The following TNR variants were observed in gnomAD, a reference collection of about 807,000 sequenced individuals.
TNR encodes the protein tenascin-R.
TNR carries 45 observed loss-of-function variants against 150.4 expected under a neutral mutation model. The observed-to-expected ratio is 0.30, with a 90% CI of 0.24 to 0.38. TNR has a LOEUF of 0.38. Ranked by LOEUF, TNR falls within the 10% of genes least tolerant of loss-of-function variation. The probability of loss-of-function intolerance (pLI) is 1.00; values close to 1 mark genes in which losing one functional copy is unlikely to be tolerated. For synonymous variants in TNR, 687 were observed against 678.4 expected (o/e 1.01, Z -0.20); for missense variants, 1,544 against 1,759.1 (o/e 0.88, Z 2.19).
chr1:175,592,876 C>A (rs926063521), intron 1 of TNR, among the ~76,000 whole-genome samples: 1 of 152,220 alleles, frequency 6.6e-6, no homozygotes, highest in Non-Finnish European at 1.5e-5. Flanking sequence ...ATCCTTCCTT[C>A]TCCTCATTAA....
intron 1 of TNR, among the ~76,000 whole-genome samples, chr1:175,597,757 AT>A (rs1254925348): frequency 2.6e-5 from 4 of 152,314 alleles, no homozygotes; most frequent in Admixed American, 1.3e-4. Flanking sequence ...GCATTGATCC[AT>A]TCACCTCCAA....
At chr1:175,530,008 T>G (rs932472247) in intron 1 of TNR, among the ~76,000 whole-genome samples, 2 of 152,360 alleles carry the variant, frequency 1.3e-5, no homozygotes, top group Non-Finnish European at 2.9e-5. Flanking sequence ...TATTACATTT[T>G]AAAGTTCTTC....
chr1:175,426,810 T>A lies in TNR; in HGVS notation c.-63-20033A>T, dbSNP rs565706964. Among the ~76,000 whole-genome samples, 102 of 129,012 alleles carry A rather than the reference T, an allele frequency of 7.9e-4. 3 individuals are homozygous for A. Among genetic ancestry groups the A allele is most frequent in the African/African-American group, 3.0e-3 (92 of 31,116 alleles). The allele number at this position is 129,012 out of a possible 152,430, so 84.6% of individuals were successfully genotyped here. A position where few individuals can be genotyped will look rare whatever the true frequency, so the allele number is the denominator to read the frequency against. On this transcript the variant is annotated intron_variant, in intron 2 of 22. Coordinates refer to ENST00000367674, the MANE Select transcript of TNR (RefSeq NM_003285.3). ...TGTGTGTGTATATATATAATATATA[T>A]AAAATATAAATATATATAAAATATA...
intron 4 of TNR, among the ~76,000 whole-genome samples, chr1:175,398,389 C>A (rs181171149): frequency 1.3e-5 from 2 of 151,998 alleles, no homozygotes; most frequent in Non-Finnish European, 2.9e-5. Context: ...GAAGTGTAAA[C>A]GAAATTTAAA....
At chr1:175,563,592 T>C (rs1319217462) in intron 1 of TNR, among the ~76,000 whole-genome samples, 1 of 152,180 alleles carries the variant, frequency 6.6e-6, no homozygotes, top group Non-Finnish European at 1.5e-5. Flanking sequence ...AGGGCATCCA[T>C]CAATTAAATT....
rs182769671 is a variant in TNR at position 175,540,726 on chromosome 1, C to G, written c.-164-12357G>C. ...TCCCCTTCCCCAGAGGTAGCCACTT[C>G]TCTCAGCCCTTGTTATCTCCGGACT... On this transcript the variant is annotated intron_variant, in intron 1 of 22. Coordinates refer to ENST00000367674, the MANE Select transcript of TNR (RefSeq NM_003285.3). Among the ~76,000 whole-genome samples, 411 of 152,260 alleles carry G rather than the reference C, an allele frequency of 2.7e-3. 3 individuals are homozygous for G. The highest frequency in any genetic ancestry group is 9.5e-3 in the African/African-American group (396 of 41,540).
At chr1:175,487,681 T>C (rs1658072239) in intron 2 of TNR, among the ~76,000 whole-genome samples, 1 of 152,108 alleles carries the variant, frequency 6.6e-6, no homozygotes, top group Non-Finnish European at 1.5e-5. Flanking sequence ...CTCAACCTCA[T>C]CTGAAAATGG....
intron 1 of TNR, among the ~76,000 whole-genome samples, chr1:175,669,569 T>C (rs1665633100): frequency 6.6e-6 from 1 of 152,224 alleles, no homozygotes; most frequent in South Asian, 2.1e-4. Flanking sequence ...ATTACCCAGA[T>C]GGATCATTTC....
intron 1 of TNR, among the ~76,000 whole-genome samples, chr1:175,734,401 T>C (rs1667719582): frequency 1.3e-5 from 2 of 152,188 alleles, no homozygotes; most frequent in African/African-American, 4.8e-5. Flanking sequence ...ATCAGAGAAG[T>C]CAATGGATTT....
At chr1:175,713,915 A>G (rs1317752568) in intron 1 of TNR, among the ~76,000 whole-genome samples, 4 of 152,164 alleles carry the variant, frequency 2.6e-5, no homozygotes, top group East Asian at 1.9e-4. Flanking sequence ...AACTTAAGCA[A>G]TCTTTAAATA....
intron 1 of TNR, among the ~76,000 whole-genome samples, chr1:175,703,669 T>C (rs191965763): frequency 6.6e-6 from 1 of 152,148 alleles, no homozygotes; most frequent in East Asian, 1.9e-4. Context: ...GCAAAAGATA[T>C]GAAAAGGTAA....
At chr1:175,344,396 C>T (rs1039752428) in intron 18 of TNR, among the ~76,000 whole-genome samples, 2 of 152,172 alleles carry the variant, frequency 1.3e-5, no homozygotes, top group Admixed American at 1.3e-4. Flanking sequence ...TTCCTGCCTT[C>T]ATACCCAGGT....
chr1:175,335,705 C>CTT lies in TNR; in HGVS notation c.3631+4_3631+5dup. The CTT allele has an allele frequency of 6.2e-7, 1 of 1,611,842 alleles. No homozygotes were observed. The highest frequency in any genetic ancestry group is 8.5e-7 in the Non-Finnish European group (1 of 1,179,318). On this transcript the variant is annotated splice_donor_region_variant and intron_variant, in intron 20 of 22. Coordinates refer to ENST00000367674, the MANE Select transcript of TNR (RefSeq NM_003285.3). ...ACATCAATGGAAAGCAATAAGGAGG[C>CTT]TTTACCCAGCCAGAACTCATCCTCC...
intron 1 of TNR, among the ~76,000 whole-genome samples, chr1:175,532,303 T>C (rs1452379713): frequency 1.3e-5 from 2 of 152,246 alleles, no homozygotes; most frequent in Non-Finnish European, 2.9e-5. Context: ...GATCAGATTG[T>C]GAACAACCTT....
chr1:175,365,159 T>A lies in TNR; in HGVS notation c.2438A>T (p.Glu813Val). The A allele has an allele frequency of 6.2e-7, 1 of 1,614,066 alleles. No individual in the cohort carries two copies. The highest frequency in any genetic ancestry group is 8.5e-7 in the Non-Finnish European group (1 of 1,179,978). Residue 813 changes from glutamate (E) to valine (V), a missense_variant, in exon 12 of 23, where the codon GAG becomes GTG. Physicochemically the swap from Glu to Val is moderately radical, Grantham distance 121. Transcript: ENST00000367674. ...GGAGACCTCCATCATCTCTTCCTCC[T>A]CATCCCTGGGGCTGTAGTTAAGAAT... ...RLILNYSPRD[E>V]EEEMMEVSLD...
At chr1:175,373,119 T>C (rs1426113617) in intron 9 of TNR, among the ~76,000 whole-genome samples, 2 of 151,174 alleles carry the variant, frequency 1.3e-5, no homozygotes, top group African/African-American at 2.4e-5. Flanking sequence ...TGGTGGGGAG[T>C]GTTGGGGAGA....
intron 2 of TNR, among the ~76,000 whole-genome samples, chr1:175,478,358 G>A (rs908676802): frequency 6.6e-6 from 1 of 152,238 alleles, no homozygotes; most frequent in African/African-American, 2.4e-5. Context: ...AATTTAGAAA[G>A]AAAGCAGAGT....
At chr1:175,612,349 A>T (rs1321779762) in intron 1 of TNR, among the ~76,000 whole-genome samples, 1 of 152,282 alleles carries the variant, frequency 6.6e-6, no homozygotes, top group African/African-American at 2.4e-5. Context: ...GGGATATCTG[A>T]GTCTCTTTCT....
chr1:175,737,488 G>A (rs1473119644), intron 1 of TNR, among the ~76,000 whole-genome samples: 1 of 152,092 alleles, frequency 6.6e-6, no homozygotes, highest in Non-Finnish European at 1.5e-5. Context: ...AAGCTTCCAG[G>A]GCCCAGGAAT....
Sources: allele counts gnomAD v4.1 joint callset (sites outside exome capture counted in the v4.1 genomes callset), GRCh38; gene constraint gnomAD v4.1.1; transcripts MANE v1.5; gene names NCBI Gene and HGNC (gene_info 2026-07-23, HGNC 2026-07-21).